The following HACD4 variants were observed in gnomAD, a reference collection of about 807,000 sequenced individuals.
HACD4 encodes 3-hydroxyacyl-CoA dehydratase 4, also known as very-long-chain (3R)-3-hydroxyacyl-CoA dehydratase 4.
A neutral mutation model predicts 33.3 loss-of-function variants in HACD4; 35 were observed. The ratio of observed to expected loss-of-function variants is 1.05; its 90% confidence interval spans 0.80 to 1.39. The LOEUF is 1.39. Among genes scored for constraint, HACD4 ranks in the 40% most tolerant of loss-of-function variants. The pLI, the probability that HACD4 is intolerant of heterozygous loss-of-function variation, is 0.00. For synonymous variants in HACD4, 118 were observed against 98.0 expected, an observed-to-expected ratio of 1.20 and a Z score of -1.21; for missense variants, 323 against 276.5, an observed-to-expected ratio of 1.17 and a Z score of -1.19.
chr9:21,000,479 C>T lies in HACD4; in HGVS notation c.*6558G>A, dbSNP rs1232093823. The T allele has an allele frequency of 6.6e-6, 1 of 152,094 alleles. No individual in the cohort carries two copies. Among genetic ancestry groups the T allele is most frequent in the African/African-American group, 2.4e-5 (1 of 41,432 alleles). 9.4% of individuals were successfully genotyped at this position (152,094 alleles called of 1,614,324 possible). ...GAGGAGTCTATCAAAAGGTAGGATC[C>T]TGAGCTTATTCCCAGAGCTTCTGAT... On this transcript the variant is annotated 3_prime_UTR_variant, in exon 7 of 7. Transcript: ENST00000495827.
In HACD4 at chr9:21,000,515, T is replaced by G. The variant is rs1426853289; in HGVS notation, c.*6522A>C. 2 of 152,112 alleles carry G rather than the reference T, an allele frequency of 1.3e-5. No homozygotes were observed. Among genetic ancestry groups the G allele is most frequent in the Admixed American group, 6.6e-5 (1 of 15,252 alleles). 9.4% of individuals were successfully genotyped at this position (152,112 alleles called of 1,614,324 possible). On this transcript the variant is annotated 3_prime_UTR_variant, in exon 7 of 7. Transcript: ENST00000495827. The stretch of plus-strand genomic sequence containing the variant: ...CCCAGAGCTTCTGATTCAACTATCT[T>G]TAGTGGAGCCCTGGAATCTGCATTC...
chr9:21,029,811 C>T (rs1415951826), intron 1 of HACD4, among the ~76,000 whole-genome samples: 5 of 152,172 alleles, frequency 3.3e-5, no homozygotes, highest in African/African-American at 9.7e-5. Context: ...CTGTGGAGTA[C>T]CGGTTGTTTA....
chr9:21,023,265 A>C (rs1216973953), intron 3 of HACD4, among the ~76,000 whole-genome samples: 1 of 152,108 alleles, frequency 6.6e-6, no homozygotes, highest in East Asian at 1.9e-4. Context: ...TATACCTAAT[A>C]TAAATGACGA....
chr9:21,008,097 A>G lies in HACD4; in HGVS notation c.540T>C (p.Tyr180=), dbSNP rs376490278. The stretch of plus-strand genomic sequence containing the variant: ...ATAAGTCAAAGGGCAGCTTGGTGGA[A>G]TAAGTGCCAAATGATTCAAAATAAG... ...SLPYFESFGT[Y]STKLPFDLSI... is the part of the protein sequence containing the mutation. Residue 180 remains tyrosine (Y), a synonymous_variant, in exon 6 of 7, where the codon TAT becomes TAC. Coordinates refer to ENST00000495827, the MANE Select transcript of HACD4 (RefSeq NM_001010915.5). 2.5e-4 allele frequency: 402 copies of G among 1,611,196 alleles called. No homozygotes were observed. The highest frequency in any genetic ancestry group is 3.2e-4 in the Non-Finnish European group (374 of 1,178,450).
At chr9:21,018,989 G>T (rs1053527010) in intron 3 of HACD4, among the ~76,000 whole-genome samples, 1 of 152,006 alleles carries the variant, frequency 6.6e-6, no homozygotes. Context: ...TAGTCTAAAA[G>T]ACTACTATTT....
rs1360956292 is a variant in HACD4, at chr9:21,005,298, C to T, written c.*1739G>A. The stretch of plus-strand genomic sequence containing the variant: ...ATGAAGACAGAATTCTTAACAAAAA[C>T]GGAACCAGAACTTAAAAGATGTGGG... On this transcript the variant is annotated 3_prime_UTR_variant, in exon 7 of 7. Transcript: ENST00000495827. This position sits in a 1 kb window ranked among gnomAD's most constrained non-coding sequence, Gnocchi z 4.0. The T allele has an allele frequency of 3.3e-5, 5 of 152,130 alleles. No individual in the cohort carries two copies. Among genetic ancestry groups the T allele is most frequent in the African/African-American group, 7.2e-5 (3 of 41,408 alleles). The allele number at this position is 152,130 out of a possible 1,614,324, so 9.4% of individuals were successfully genotyped here. A position where few individuals can be genotyped will look rare whatever the true frequency, so the allele number is the denominator to read the frequency against.
At chr9:21,007,612 C>T (rs1842301336) in intron 6 of HACD4, among the ~76,000 whole-genome samples, 1 of 152,116 alleles carries the variant, frequency 6.6e-6, no homozygotes, top group African/African-American at 2.4e-5. Context: ...CACCGACTCC[C>T]ATTTGCCTGA....
intron 1 of HACD4, among the ~76,000 whole-genome samples, chr9:21,029,803 G>C (rs12378299): frequency 0.37 from 56,356 of 152,084 alleles, 10,718 homozygotes; most frequent in East Asian, 0.42. Context: ...ACAGTGCACT[G>C]TGGAGTACCG....
In HACD4 at chr9:21,027,520, G is replaced by C. The variant is rs79939358; in HGVS notation, c.143-797C>G. Among the ~76,000 whole-genome samples, 1,432 of 152,228 alleles carry C rather than the reference G, an allele frequency of 9.4e-3. 35 individuals are homozygous for C. The highest frequency in any genetic ancestry group is 0.032 in the African/African-American group (1,319 of 41,528). ...GCAGTAAGGATTTCTCTTCTCGGCA[G>C]CTCCACAAGATGGACACTATTATCA... On this transcript the variant is annotated intron_variant, in intron 2 of 6. Transcript: ENST00000495827.
At chr9:21,025,409 A>ACATT (rs34041376) in intron 3 of HACD4, among the ~76,000 whole-genome samples, 91,570 of 151,450 alleles carry the variant, frequency 0.6, 28,303 homozygotes, top group South Asian at 0.69. Context: ...GTGTACATTT[A>ACATT]CATTCTAAGC....
intron 4 of HACD4, among the ~76,000 whole-genome samples, chr9:21,012,637 A>G (rs1248937581): frequency 2.6e-5 from 4 of 152,236 alleles, no homozygotes; most frequent in Non-Finnish European, 5.9e-5. Flanking sequence ...CAGAATATAT[A>G]CCAGCAGTGG....
chr9:21,009,280 T>C (rs952661730), intron 5 of HACD4, among the ~76,000 whole-genome samples: 6 of 152,316 alleles, frequency 3.9e-5, no homozygotes, highest in Middle Eastern at 3.4e-3. Flanking sequence ...CAGAGCATTA[T>C]TGACATTTTT....
intron 1 of HACD4, among the ~76,000 whole-genome samples, chr9:21,030,668 T>G (rs575076390): frequency 6.6e-6 from 1 of 152,278 alleles, no homozygotes; most frequent in South Asian, 2.1e-4. Flanking sequence ...GTGATTGAGG[T>G]TAGTATTAAC....
Position 21,029,405 on chromosome 9 carries a change from A to T in HACD4, c.39-7T>A, listed in dbSNP as rs368372470. The T allele has an allele frequency of 6.9e-7, 1 of 1,447,500 alleles. No homozygotes were observed. Among genetic ancestry groups the T allele is most frequent in the South Asian group, 1.2e-5 (1 of 83,482 alleles). 89.7% of individuals were successfully genotyped at this position (1,447,500 alleles called of 1,614,324 possible). A position where few individuals can be genotyped will look rare whatever the true frequency, so the allele number is the denominator to read the frequency against. On this transcript the variant is annotated splice_polypyrimidine_tract_variant and splice_region_variant and intron_variant, in intron 1 of 6. Transcript: ENST00000495827. ...ATACGCATTCTTCCTATACCTATAA[A>T]TACAGGAAAATACCATTAAACACTT...
chr9:21,021,761 T>G (rs970748406), intron 3 of HACD4, among the ~76,000 whole-genome samples: 1 of 152,170 alleles, frequency 6.6e-6, no homozygotes, highest in African/African-American at 2.4e-5. Context: ...CATTCCATGC[T>G]CATGGGTAGG....
intron 2 of HACD4, among the ~76,000 whole-genome samples, chr9:21,028,473 A>C (rs1319549811): frequency 1.3e-5 from 2 of 152,244 alleles, no homozygotes; most frequent in African/African-American, 4.8e-5. Context: ...GATTTTCAGT[A>C]AGAAAAAGCA....
rs537211107 is a variant in HACD4, at chr9:21,006,144, T to C, written c.*893A>G. 1 of 152,292 alleles carries C rather than the reference T, an allele frequency of 6.6e-6. No individual in the cohort carries two copies. The highest frequency in any genetic ancestry group is 6.5e-5 in the Admixed American group (1 of 15,310). The allele number at this position is 152,292 out of a possible 1,614,324, so 9.4% of individuals were successfully genotyped here. A position where few individuals can be genotyped will look rare whatever the true frequency, so the allele number is the denominator to read the frequency against. ...TTTTGTAGGACCAGGTACAGAATGCTATGGAGTGAATCTTTGTGTTCCCCC... is the reference window on the plus strand; with the variant it reads ...TTTTGTAGGACCAGGTACAGAATGCCATGGAGTGAATCTTTGTGTTCCCCC... On this transcript the variant is annotated 3_prime_UTR_variant, in exon 7 of 7. Transcript: ENST00000495827. This position sits in a 1 kb window ranked among gnomAD's most constrained non-coding sequence, Gnocchi z 4.6.
chr9:21,023,650 C>G (rs1400922686), intron 3 of HACD4, among the ~76,000 whole-genome samples: 2 of 150,820 alleles, frequency 1.3e-5, no homozygotes, highest in African/African-American at 4.9e-5. Context: ...TCTCTGCTCA[C>G]TGTAATCTCT....
chr9:21,031,608 G>C lies in HACD4; in HGVS notation c.-18C>G, dbSNP rs931435367. The C allele has an allele frequency of 7.1e-7, 1 of 1,417,352 alleles. No individual in the cohort carries two copies. Among genetic ancestry groups the C allele is most frequent in the Non-Finnish European group, 9.2e-7 (1 of 1,092,068 alleles). The allele number at this position is 1,417,352 out of a possible 1,614,324, so 87.8% of individuals were successfully genotyped here. A position where few individuals can be genotyped will look rare whatever the true frequency, so the allele number is the denominator to read the frequency against. On this transcript the variant is annotated 5_prime_UTR_variant, in exon 1 of 7. Transcript: ENST00000495827. ...GGCCCCATGGGCCGCCGCCGCCAGGGCTTCCAGCGCGGTCCAGGAAGGAGT... is the reference window on the plus strand; with the variant it reads ...GGCCCCATGGGCCGCCGCCGCCAGGCCTTCCAGCGCGGTCCAGGAAGGAGT...
Sources: allele counts gnomAD v4.1 joint callset (sites outside exome capture counted in the v4.1 genomes callset), GRCh38; gene constraint gnomAD v4.1.1; non-coding constraint Gnocchi (gnomAD v3.1); transcripts MANE v1.5; gene names NCBI Gene and HGNC (gene_info 2026-07-23, HGNC 2026-07-21).